Variants in FMN1 observed in about 807,000 individuals in gnomAD.
FMN1 encodes the protein formin-1.
A neutral mutation model predicts 132.4 loss-of-function variants in FMN1; 110 were observed. The ratio of observed to expected loss-of-function variants is 0.83; its 90% CI spans 0.71 to 0.97. The LOEUF (loss-of-function observed/expected upper bound fraction) is 0.97. Among genes scored for constraint, FMN1 ranks in the 50% least tolerant of loss-of-function variants. FMN1 has a pLI of 0.00. For missense variants in FMN1, 1,792 were observed against 1,705.3 expected, an observed-to-expected ratio of 1.05 and a Z score of -0.90; for synonymous variants, 722 against 651.7, an observed-to-expected ratio of 1.11 and a Z score of -1.64.
intron 4 of FMN1, chr15:33,106,370 CCTT>C (rs1280554707): frequency 2.6e-5 from 4 of 151,702 alleles, no homozygotes; most frequent in African/African-American, 9.7e-5. Flanking sequence ...GTCTCTGTGG[CCTT>C]TTTTTTAAAG....
chr15:32,982,209 T>A (rs778696273), intron 7 of FMN1, among the ~76,000 whole-genome samples: 1 of 152,010 alleles, frequency 6.6e-6, no homozygotes, highest in Admixed American at 6.6e-5. Context: ...TGCACGCCTA[T>A]TAGGAGGAGG....
chr15:32,997,899 A>G (rs1021896905), intron 7 of FMN1, among the ~76,000 whole-genome samples: 5 of 152,234 alleles, frequency 3.3e-5, no homozygotes, highest in Non-Finnish European at 5.9e-5. Flanking sequence ...ACACAAATGT[A>G]AATGTCCATA....
chr15:32,796,262 A>C (rs1321062556), intron 19 of FMN1, among the ~76,000 whole-genome samples: 1 of 152,248 alleles, frequency 6.6e-6, no homozygotes, highest in African/African-American at 2.4e-5. Flanking sequence ...AATTTAAACA[A>C]AACAGTGTTT....
chr15:32,882,913 T>C (rs2059805283), intron 16 of FMN1, among the ~76,000 whole-genome samples: 1 of 152,250 alleles, frequency 6.6e-6, no homozygotes, highest in Non-Finnish European at 1.5e-5. Context: ...GGCCACACTT[T>C]CATCGGAGTG....
intron 4 of FMN1, among the ~76,000 whole-genome samples, chr15:33,119,332 T>A (rs974931295): frequency 6.6e-6 from 1 of 152,054 alleles, no homozygotes; most frequent in Non-Finnish European, 1.5e-5. Flanking sequence ...TGGGCTACAG[T>A]GGTAGCAGGC....
chr15:32,847,469 G>A (rs1051835612), intron 17 of FMN1, among the ~76,000 whole-genome samples: 2 of 151,302 alleles, frequency 1.3e-5, no homozygotes, highest in African/African-American at 4.9e-5. Flanking sequence ...GTGGTGGCTC[G>A]TGCCTGTAAT....
At chr15:33,052,708 G>C (rs546587957) in intron 6 of FMN1, among the ~76,000 whole-genome samples, 92 of 152,276 alleles carry the variant, frequency 6.0e-4, no homozygotes, top group African/African-American at 2.1e-3. Context: ...ACAGTTTAAA[G>C]CCTGAAAGCC....
chr15:33,178,273 T>C (rs1965582204), intron 3 of FMN1, among the ~76,000 whole-genome samples: 1 of 152,204 alleles, frequency 6.6e-6, no homozygotes, highest in Non-Finnish European at 1.5e-5. Context: ...CCAAGGTTTT[T>C]CTTTCTGCTT....
chr15:33,183,399 G>T (rs1452821495), intron 2 of FMN1, among the ~76,000 whole-genome samples: 1 of 152,186 alleles, frequency 6.6e-6, no homozygotes, highest in African/African-American at 2.4e-5. Context: ...ACTGAGGATA[G>T]AGAAATACCA....
At chr15:32,968,587 GCA>G in intron 8 of FMN1, 125 bp downstream of exon 8, 2 of 1,373,250 alleles carry the variant, frequency 1.5e-6, no homozygotes, top group Non-Finnish European at 2.0e-6. Context: ...GTTTATCCAA[GCA>G]TTCACTGTAT....
At chr15:32,820,472 G>A (rs959785676) in intron 17 of FMN1, among the ~76,000 whole-genome samples, 8 of 151,952 alleles carry the variant, frequency 5.3e-5, no homozygotes, top group Non-Finnish European at 1.0e-4. Context: ...TACAGATAAA[G>A]TCCCCCTGAT....
Position 33,124,843 on chromosome 15 carries a change from T to G in FMN1, c.1867+28205A>C, listed in dbSNP as rs558251064. Among the ~76,000 whole-genome samples, 35 of 142,054 alleles carry G rather than the reference T, an allele frequency of 2.5e-4. 1 individual carries two copies. Among genetic ancestry groups the G allele is most frequent in the African/African-American group, 8.8e-4 (35 of 39,856 alleles). 93.2% of individuals were successfully genotyped at this position (142,054 alleles called of 152,430 possible). A position where few individuals can be genotyped will look rare whatever the true frequency, so the allele number is the denominator to read the frequency against. On this transcript the variant is annotated intron_variant, in intron 4 of 20. Coordinates refer to ENST00000616417, the MANE Select transcript of FMN1 (RefSeq NM_001277313.2). The stretch of plus-strand genomic sequence containing the variant: ...AGATGAAAAAAATGCTTTTCATTTT[T>G]CTGCATTTTTTTTTTTAATTTGGAA...
At chr15:33,176,107 T>C (rs1287757218) in intron 3 of FMN1, among the ~76,000 whole-genome samples, 4 of 152,128 alleles carry the variant, frequency 2.6e-5, no homozygotes, top group African/African-American at 9.7e-5. Context: ...AGGTGCAGTG[T>C]CTCATGCCTA....
At chr15:33,003,768 G>A (rs1293883176) in intron 7 of FMN1, among the ~76,000 whole-genome samples, 1 of 152,188 alleles carries the variant, frequency 6.6e-6, no homozygotes, top group African/African-American at 2.4e-5. Context: ...AAAGCTGGAG[G>A]CATCACACTA....
intron 4 of FMN1, among the ~76,000 whole-genome samples, chr15:33,144,272 TG>T (rs1964121188): frequency 6.6e-6 from 1 of 152,298 alleles, no homozygotes; most frequent in Non-Finnish European, 1.5e-5. Flanking sequence ...CTAGACACTG[TG>T]GGGAGTACCT....
intron 17 of FMN1, among the ~76,000 whole-genome samples, chr15:32,846,896 C>A (rs1381837366): frequency 6.6e-6 from 1 of 152,122 alleles, no homozygotes; most frequent in Non-Finnish European, 1.5e-5. Flanking sequence ...AGGATGAGTT[C>A]ATGTCCTCCT....
At chr15:32,807,255 T>G (rs2057714855) in intron 17 of FMN1, among the ~76,000 whole-genome samples, 1 of 152,268 alleles carries the variant, frequency 6.6e-6, no homozygotes, top group Non-Finnish European at 1.5e-5. Flanking sequence ...TGTTTTATAT[T>G]AAAATGATTC....
At chr15:32,884,657 G>A (rs2059852276) in intron 16 of FMN1, among the ~76,000 whole-genome samples, 1 of 151,934 alleles carries the variant, frequency 6.6e-6, no homozygotes, top group African/African-American at 2.4e-5. Context: ...CAGCCAGCAA[G>A]GACAAAGAGG....
At chr15:33,069,485 C>A (rs2141269738) in intron 5 of FMN1, among the ~76,000 whole-genome samples, 1 of 152,320 alleles carries the variant, frequency 6.6e-6, no homozygotes, top group South Asian at 2.1e-4. Context: ...ACAGTAATTC[C>A]TTCTGCAAAA....
Sources: allele counts gnomAD v4.1 joint callset (sites outside exome capture counted in the v4.1 genomes callset), GRCh38; gene constraint gnomAD v4.1.1; transcripts MANE v1.5; gene names NCBI Gene and HGNC (gene_info 2026-07-23, HGNC 2026-07-21).